PITPNM2: variants seen among roughly 807,000 people sequenced by gnomAD.
PITPNM2 encodes phosphatidylinositol transfer protein membrane associated 2.
Under a neutral mutation model 132.2 loss-of-function variants are expected in PITPNM2, and 35 were observed. That is an observed-to-expected ratio of 0.26 (90% CI 0.20 to 0.35). The LOEUF is 0.35. Among genes scored for constraint, PITPNM2 ranks in the 10% least tolerant of loss-of-function variants. The probability of loss-of-function intolerance (pLI) is 1.00; values close to 1 mark genes in which losing one functional copy is unlikely to be tolerated. For synonymous variants in PITPNM2, 738 were observed against 799.2 expected, an observed-to-expected ratio of 0.92 and a Z score of 1.29; for missense variants, 1,332 against 1,912.0, an observed-to-expected ratio of 0.70 and a Z score of 5.66.
At chr12:123,126,475 C>T (rs1028767124) in intron 1 of PITPNM2, among the ~76,000 whole-genome samples, 13 of 152,158 alleles carry the variant, frequency 8.5e-5, no homozygotes, top group South Asian at 2.1e-4. Context: ...GGGCTTTAGT[C>T]CTAGGAGAAC....
chr12:123,029,988 A>ACAGACACCCACAAAGAGGTGGAAGG (rs138364638), intron 3 of PITPNM2, among the ~76,000 whole-genome samples: 46,776 of 151,048 alleles, frequency 0.31, 9,138 homozygotes, highest in East Asian at 0.67. Context: ...CAGGAAGCAG[A>ACAGACACCCACAAAGAGGTGGAAGG]CAGACACCCA....
Position 123,065,033 on chromosome 12 carries a change from T to C in PITPNM2, c.-95-30348A>G, listed in dbSNP as rs556558496. Among the ~76,000 whole-genome samples, 6 of 152,256 alleles carry C rather than the reference T, an allele frequency of 3.9e-5. No homozygotes were observed. In the South Asian group the frequency reaches 8.3e-4, roughly 21 times the overall value. ...TCAGAGCCTTGCTCAGAGTCTCCCA[T>C]TGGGACAGCTGAGCTACAGCCCCCA... is the stretch of plus-strand genomic sequence containing the variant. On this transcript the variant is annotated intron_variant, in intron 2 of 25. Coordinates refer to ENST00000320201, the MANE Select transcript of PITPNM2 (RefSeq NM_020845.3).
chr12:123,128,304 A>G (rs1388675091), intron 1 of PITPNM2, among the ~76,000 whole-genome samples: 9 of 136,308 alleles, frequency 6.6e-5, no homozygotes, highest in Admixed American at 2.3e-4. Flanking sequence ...AAAAAAAAAA[A>G]GCGGGCTCAC....
At chr12:123,065,061 C>T (rs1160293315) in intron 2 of PITPNM2, among the ~76,000 whole-genome samples, 1 of 152,238 alleles carries the variant, frequency 6.6e-6, no homozygotes, top group Non-Finnish European at 1.5e-5. Flanking sequence ...AGCCCCCATT[C>T]TGCAGGCACT....
In PITPNM2 at chr12:123,084,864, TA is replaced by T. The variant is rs1470709431; in HGVS notation, c.-96+25520del. ...CCTGTCAACTCCTTTTAAAGTCTGA[TA>T]CATCAAAGTCCCTGAATTAATTTTT... On this transcript the variant is annotated intron_variant, in intron 2 of 25. Coordinates refer to ENST00000320201, the MANE Select transcript of PITPNM2 (RefSeq NM_020845.3). 2.0e-5 allele frequency: 3 copies of T among 152,354 alleles called. No individual in the cohort carries two copies. In the East Asian group the frequency reaches 5.8e-4, roughly 29 times the overall value. 9.4% of individuals were successfully genotyped at this position (152,354 alleles called of 1,614,324 possible). A position where few individuals can be genotyped will look rare whatever the true frequency, so the allele number is the denominator to read the frequency against.
chr12:123,039,069 G>A (rs1454186440), intron 2 of PITPNM2, among the ~76,000 whole-genome samples: 1 of 151,362 alleles, frequency 6.6e-6, no homozygotes, highest in Non-Finnish European at 1.5e-5. Context: ...GGAACAGCGT[G>A]AGCAAAGGCC....
At chr12:123,045,059 C>A (rs752266768) in intron 2 of PITPNM2, among the ~76,000 whole-genome samples, 6 of 152,198 alleles carry the variant, frequency 3.9e-5, no homozygotes, top group Non-Finnish European at 7.3e-5. Flanking sequence ...CTACTGAAGG[C>A]CAACTCTCTG....
chr12:123,059,202 C>A (rs773142403), intron 2 of PITPNM2, among the ~76,000 whole-genome samples: 1 of 152,244 alleles, frequency 6.6e-6, no homozygotes, highest in Non-Finnish European at 1.5e-5. Flanking sequence ...AAGCATGGGA[C>A]CTTTTCTGGG....
At chr12:123,019,538 A>G (rs1403943036) in intron 3 of PITPNM2, among the ~76,000 whole-genome samples, 1 of 152,214 alleles carries the variant, frequency 6.6e-6, no homozygotes, top group Non-Finnish European at 1.5e-5. Flanking sequence ...GCACACCACT[A>G]TGAGCTGACT....
intron 8 of PITPNM2, 60 bp from the exon 9 acceptor site, chr12:123,001,218 C>T (rs1350822336): frequency 1.9e-5 from 27 of 1,388,954 alleles, no homozygotes; most frequent in East Asian, 6.9e-5. Context: ...CCTGGCTTCC[C>T]GAGGTGGGGA....
At chr12:122,996,611 C>A (rs1182441760) in intron 12 of PITPNM2, 34 bp from the exon 13 acceptor site, 2 of 1,612,622 alleles carry the variant, frequency 1.2e-6, no homozygotes, top group Admixed American at 1.7e-5. Context: ...CTGAGCCATT[C>A]ACCCGCTCGC....
In PITPNM2 at chr12:123,150,771, G is replaced by A. The variant is rs1593040673; in HGVS notation, c.-218C>T. Among the ~76,000 whole-genome samples, 1 of 149,384 alleles carries A rather than the reference G, an allele frequency of 6.7e-6. No homozygotes were observed. Among genetic ancestry groups the A allele is most frequent in the South Asian group, 2.1e-4 (1 of 4,830 alleles). On this transcript the variant is annotated 5_prime_UTR_variant, in exon 1 of 26. Coordinates refer to ENST00000320201, the MANE Select transcript of PITPNM2 (RefSeq NM_020845.3). This position sits in a 1 kb window ranked among gnomAD's most constrained non-coding sequence, Gnocchi z 6.0. ...CACTCACCCCGCTCGGCGCGGCCGC[G>A]GGCTCTGTCCTCTTCGGGGCCCCGG...
chr12:122,998,194 CCTCT>C (rs1416257012), intron 10 of PITPNM2, among the ~76,000 whole-genome samples: 4 of 152,250 alleles, frequency 2.6e-5, no homozygotes. Flanking sequence ...CCATTCCTGG[CCTCT>C]CTCTAAGACC....
At chr12:123,056,326 T>A (rs1241216178) in intron 2 of PITPNM2, among the ~76,000 whole-genome samples, 1 of 152,222 alleles carries the variant, frequency 6.6e-6, no homozygotes, top group African/African-American at 2.4e-5. Flanking sequence ...TTTCAGGCAG[T>A]CTGGGAGCCT....
chr12:123,070,641 A>G (rs2136901317), intron 2 of PITPNM2, among the ~76,000 whole-genome samples: 1 of 152,252 alleles, frequency 6.6e-6, no homozygotes, highest in African/African-American at 2.4e-5. Context: ...TCCCTATGAG[A>G]CAGGATGCTC....
At position 122,990,678 on chromosome 12, in the gene PITPNM2, G is replaced by A; in HGVS notation, c.2436C>T (p.Phe812=). 2 of 1,611,438 alleles carry A rather than the reference G, an allele frequency of 1.2e-6. No homozygotes were observed. The highest frequency in any genetic ancestry group is 1.7e-6 in the Non-Finnish European group (2 of 1,179,642). ...GCGAGGAGGGGGCGCCATGCTCTTG[G>A]AAGGCTGCATTGTGGGTCTGGAGCA... is the stretch of plus-strand genomic sequence containing the variant. The part of the protein sequence containing the change: ...ADVLQTHNAA[F]QEHGAPSSPG... Residue 812 remains phenylalanine, a synonymous_variant, in exon 17 of 26, where the codon TTC becomes TTT. Transcript: ENST00000320201.
At chr12:123,130,974 C>A (rs1368579519) in intron 1 of PITPNM2, among the ~76,000 whole-genome samples, 1 of 152,136 alleles carries the variant, frequency 6.6e-6, no homozygotes, top group Non-Finnish European at 1.5e-5. Context: ...TCCCCCACCC[C>A]ACCCTCACAT....
At chr12:123,081,807 G>A (rs1287103784) in intron 2 of PITPNM2, 1 of 152,234 alleles carries the variant, frequency 6.6e-6, no homozygotes, top group East Asian at 1.9e-4. Flanking sequence ...GCAGCTGTGT[G>A]GCTTCAAAGC....
intron 2 of PITPNM2, among the ~76,000 whole-genome samples, chr12:123,054,837 C>T (rs2040970205): frequency 6.6e-6 from 1 of 152,162 alleles, no homozygotes; most frequent in Non-Finnish European, 1.5e-5. Flanking sequence ...GCCAAGGCGA[C>T]AGGATCACCT....
Sources: allele counts gnomAD v4.1 joint callset (sites outside exome capture counted in the v4.1 genomes callset), GRCh38; gene constraint gnomAD v4.1.1; non-coding constraint Gnocchi (gnomAD v3.1); transcripts MANE v1.5; gene names NCBI Gene and HGNC (gene_info 2026-07-23, HGNC 2026-07-21).